The following MS4A4E variants were observed in gnomAD, a reference collection of about 807,000 sequenced individuals.
The protein encoded by MS4A4E is membrane spanning 4-domains A4E.
A neutral mutation model predicts 13.3 loss-of-function variants in MS4A4E; 23 were observed. That is an observed-to-expected ratio of 1.73 (90% CI 1.25 to 2.45). The LOEUF is 2.45. Ranked by LOEUF, MS4A4E falls within the 30% of genes most tolerant of loss-of-function variation. The probability of loss-of-function intolerance (pLI) is 0.00; values close to 1 mark genes in which losing one functional copy is unlikely to be tolerated. For synonymous variants in MS4A4E, 36 were observed against 45.6 expected, an observed-to-expected ratio of 0.79 and a Z score of 0.85; for missense variants, 144 against 131.2, an observed-to-expected ratio of 1.10 and a Z score of -0.48.
chr11:60,207,417 A>C (rs2084062140), intron 6 of MS4A4E, among the ~76,000 whole-genome samples: 1 of 152,182 alleles, frequency 6.6e-6, no homozygotes, highest in South Asian at 2.1e-4. Flanking sequence ...AATCATTGGT[A>C]ATTGCTGAGA....
intron 3 of MS4A4E, among the ~76,000 whole-genome samples, chr11:60,219,095 G>A (rs1260481835): frequency 6.6e-6 from 1 of 152,178 alleles, no homozygotes; most frequent in Admixed American, 6.5e-5. Flanking sequence ...TTGTGATGAA[G>A]GAGTGGATTA....
chr11:60,224,924 A>T (rs1283621463), intron 3 of MS4A4E: 9 of 1,445,280 alleles, frequency 6.2e-6, no homozygotes, highest in South Asian at 2.9e-5. Flanking sequence ...TTACACCTCT[A>T]TTATGTTATA....
chr11:60,200,497 C>A lies in MS4A4E; in HGVS notation c.*1046G>T, dbSNP rs1023672608. Among the ~76,000 whole-genome samples the A allele has an allele frequency of 6.6e-6, 1 of 152,088 alleles. No individual in the cohort carries two copies. Among genetic ancestry groups the A allele is most frequent in the Admixed American group, 6.5e-5 (1 of 15,270 alleles). ...ATTAGGGAGTGGTGATGACTCTTAA[C>A]GAGCATGCTGCCTTCAAGCATCTGT... is the stretch of plus-strand genomic sequence containing the variant. On this transcript the variant is annotated 3_prime_UTR_variant, in exon 9 of 9. Transcript: ENST00000651255.
chr11:60,202,200 A>G (rs561292011), intron 8 of MS4A4E, among the ~76,000 whole-genome samples: 2 of 152,336 alleles, frequency 1.3e-5, no homozygotes, highest in Non-Finnish European at 2.9e-5. Context: ...ATACAAGTTG[A>G]GATGATCTAA....
chr11:60,224,780 C>A (rs369594208), intron 3 of MS4A4E, among the ~76,000 whole-genome samples: 1 of 152,014 alleles, frequency 6.6e-6, no homozygotes, highest in African/African-American at 2.4e-5. Flanking sequence ...AGTATTTAAT[C>A]GCCTAGCTTT....
At position 60,208,626 on chromosome 11, in the gene MS4A4E, A is replaced by C; in HGVS notation, c.450T>G (p.Phe150Leu). The C allele has an allele frequency of 1.4e-6, 2 of 1,468,364 alleles. No individual in the cohort carries two copies. Among genetic ancestry groups the C allele is most frequent in the Non-Finnish European group, 1.9e-6 (2 of 1,055,114 alleles). The allele number at this position is 1,468,364 out of a possible 1,614,324, so 91.0% of individuals were successfully genotyped here. A position where few individuals can be genotyped will look rare whatever the true frequency, so the allele number is the denominator to read the frequency against. The change falls in exon 6 of 9, where the codon TTT becomes TTG. Residue 150 changes from phenylalanine to leucine, a missense_variant. By Grantham distance (22) the Phe-to-Leu change is conservative. Coordinates refer to ENST00000651255, the MANE Select transcript of MS4A4E (RefSeq NM_001393391.1). ...EFCIAVALSA[F>L]GCKVLCCSPS... ...GGCTACAACAAAGCACTTTACATCC[A>C]AAGGCAGAGAGGGCCACAGCAATGC...
At position 60,208,755 on chromosome 11, in the gene MS4A4E, C is replaced by T. The variant is rs1021537781; in HGVS notation, c.382-61G>A. On this transcript the variant is annotated intron_variant, in intron 5 of 8. Coordinates refer to ENST00000651255, the MANE Select transcript of MS4A4E (RefSeq NM_001393391.1). ...TGGAGATGACAAGTGAAAACATTTC[C>T]CAGCAACCACAGTGTCATAAGAGAA... The T allele has an allele frequency of 8.5e-6, 6 of 707,032 alleles. No individual in the cohort carries two copies. In the East Asian group the frequency reaches 1.1e-4, roughly 13 times the overall value. 43.8% of individuals were successfully genotyped at this position (707,032 alleles called of 1,614,324 possible). A position where few individuals can be genotyped will look rare whatever the true frequency, so the allele number is the denominator to read the frequency against.
chr11:60,203,333 T>C (rs2084007080), intron 8 of MS4A4E, among the ~76,000 whole-genome samples: 1 of 152,202 alleles, frequency 6.6e-6, no homozygotes, highest in African/African-American at 2.4e-5. Flanking sequence ...ATACCTGTAG[T>C]CTTTGTAAGA....
chr11:60,240,167 T>A (rs1454860861), intron 1 of MS4A4E, among the ~76,000 whole-genome samples: 1 of 152,226 alleles, frequency 6.6e-6, no homozygotes, highest in African/African-American at 2.4e-5. Flanking sequence ...ACAGGAATGC[T>A]AAGAGGGCTA....
chr11:60,222,667 A>G (rs907378128), intron 3 of MS4A4E, among the ~76,000 whole-genome samples: 1 of 152,156 alleles, frequency 6.6e-6, no homozygotes, highest in Non-Finnish European at 1.5e-5. Flanking sequence ...TTTCCACAAC[A>G]CTATGTTCTG....
chr11:60,218,724 C>T (rs1590714507), intron 3 of MS4A4E, among the ~76,000 whole-genome samples: 1 of 152,284 alleles, frequency 6.6e-6, no homozygotes, highest in South Asian at 2.1e-4. Context: ...AAAGTCCCAG[C>T]AGGCCCCTAG....
intron 1 of MS4A4E, among the ~76,000 whole-genome samples, chr11:60,241,062 T>C (rs934611676): frequency 4.6e-5 from 7 of 152,318 alleles, no homozygotes; most frequent in African/African-American, 1.7e-4. Context: ...CTCGCTCTGT[T>C]GCCCAGGCTG....
At chr11:60,226,093 A>T (rs1408724141) in intron 3 of MS4A4E, among the ~76,000 whole-genome samples, 1 of 151,840 alleles carries the variant, frequency 6.6e-6, no homozygotes, top group African/African-American at 2.4e-5. Flanking sequence ...GTCAAAATTC[A>T]CACAAGAAGA....
rs1296170501 is a variant in MS4A4E at position 60,206,258 on chromosome 11, C to T, written c.484-438G>A. On this transcript the variant is annotated intron_variant, in intron 6 of 8. Transcript: ENST00000651255. ...GCATGGAGACCTCGTTTTAGCAATACCTTTTTGCCCTTCTGCTTCCAAATC... is the reference window on the plus strand; with the variant it reads ...GCATGGAGACCTCGTTTTAGCAATATCTTTTTGCCCTTCTGCTTCCAAATC... Among the ~76,000 whole-genome samples the T allele has an allele frequency of 3.3e-5, 5 of 151,790 alleles. No individual in the cohort carries two copies. The South Asian group carries it at 1.0e-3, about 32-fold the overall frequency.
chr11:60,225,017 T>C (rs1194640979), intron 3 of MS4A4E: 1 of 1,549,814 alleles, frequency 6.5e-7, no homozygotes, highest in South Asian at 1.2e-5. Context: ...GGGATGTTCT[T>C]CATAAGAACT....
At chr11:60,231,970 T>C (rs1042169149) in intron 1 of MS4A4E, among the ~76,000 whole-genome samples, 1 of 55,372 alleles carries the variant, frequency 1.8e-5, no homozygotes, top group African/African-American at 5.8e-5. Context: ...AATGAAAAGT[T>C]AAAGATAAAG....
At chr11:60,224,037 C>T (rs1487170993) in intron 3 of MS4A4E, among the ~76,000 whole-genome samples, 1 of 152,156 alleles carries the variant, frequency 6.6e-6, no homozygotes, top group Admixed American at 6.6e-5. Flanking sequence ...TAAACTGTCT[C>T]ATTCTCAGTT....
At chr11:60,220,840 A>G (rs902699575) in intron 3 of MS4A4E, among the ~76,000 whole-genome samples, 1 of 152,176 alleles carries the variant, frequency 6.6e-6, no homozygotes, top group African/African-American at 2.4e-5. Context: ...GAGGCCACAC[A>G]TTCGTTACCT....
intron 1 of MS4A4E, among the ~76,000 whole-genome samples, chr11:60,233,053 C>T (rs1438996993): frequency 6.6e-6 from 1 of 152,148 alleles, no homozygotes; most frequent in Non-Finnish European, 1.5e-5. Flanking sequence ...CGGAACTGAC[C>T]TGTCCCCTGG....
Sources: allele counts gnomAD v4.1 joint callset (sites outside exome capture counted in the v4.1 genomes callset), GRCh38; gene constraint gnomAD v4.1.1; transcripts MANE v1.5; gene names NCBI Gene and HGNC (gene_info 2026-07-23, HGNC 2026-07-21).